The following SLFN12 variants were observed in gnomAD, a reference collection of about 807,000 sequenced individuals.
SLFN12 encodes the protein schlafen family member 12, also known as ribonuclease SLFN12.
In SLFN12, 25 loss-of-function variants were observed where a neutral mutation model predicts 29.1. The observed-to-expected ratio is 0.86, with a 90% confidence interval of 0.63 to 1.20. The LOEUF (loss-of-function observed/expected upper bound fraction) is 1.20. Among genes scored for constraint, SLFN12 ranks in the 50% most tolerant of loss-of-function variants. The probability of loss-of-function intolerance (pLI) is 0.00; values close to 1 mark genes in which losing one functional copy is unlikely to be tolerated. For missense variants in SLFN12, 660 were observed against 666.2 expected, an observed-to-expected ratio of 0.99 and a Z score of 0.10; for synonymous variants, 257 against 238.7, an observed-to-expected ratio of 1.08 and a Z score of -0.71.
chr17:35,413,883 A>G (rs1402065034), intron 3 of SLFN12, among the ~76,000 whole-genome samples: 3 of 152,234 alleles, frequency 2.0e-5, no homozygotes, highest in Middle Eastern at 3.4e-3. Context: ...GGGCAAAACT[A>G]TATGCTCATA....
intron 3 of SLFN12, among the ~76,000 whole-genome samples, chr17:35,418,605 G>T (rs1477882147): frequency 1.3e-5 from 2 of 152,022 alleles, no homozygotes; most frequent in Non-Finnish European, 2.9e-5. Flanking sequence ...CTACGTTATT[G>T]GTAAGGCTTT....
intron 1 of SLFN12, among the ~76,000 whole-genome samples, chr17:35,426,648 T>C (rs1171952903): frequency 2.0e-5 from 3 of 152,168 alleles, no homozygotes; most frequent in Non-Finnish European, 4.4e-5. Flanking sequence ...CTTTATGAAT[T>C]TTTGTTGGAA....
intron 1 of SLFN12, among the ~76,000 whole-genome samples, chr17:35,429,405 C>T (rs151260664): frequency 6.6e-6 from 1 of 152,164 alleles, no homozygotes; most frequent in African/African-American, 2.4e-5. Context: ...GGGACAAAAC[C>T]CTTAAAAAAT....
chr17:35,420,461 A>T, intron 2 of SLFN12, 80 bp from the exon 3 acceptor site: 1 of 834,516 alleles, frequency 1.2e-6, no homozygotes, highest in Non-Finnish European at 1.9e-6. Context: ...ATATATTAAA[A>T]GTCTACTTGT....
At position 35,421,266 on chromosome 17, in the gene SLFN12, GA is replaced by G. The variant is rs563139747; in HGVS notation, c.1039+723del. 8.8e-4 allele frequency among the ~76,000 whole-genome samples: 132 copies of G among 149,178 alleles called. 1 individual carries two copies. In the Middle Eastern group the frequency reaches 0.01, roughly 12 times the overall value. On this transcript the variant is annotated intron_variant, in intron 2 of 3. Coordinates refer to ENST00000304905, the MANE Select transcript of SLFN12 (RefSeq NM_018042.5). The stretch of plus-strand genomic sequence containing the variant: ...TAAATAAATAAATAAATAGAAAGGG[GA>G]CAAGAAGCATGAAGGAGCAAGTAAG...
At chr17:35,412,834 A>G (rs1911102815) in intron 3 of SLFN12, among the ~76,000 whole-genome samples, 1 of 152,016 alleles carries the variant, frequency 6.6e-6, no homozygotes, top group Non-Finnish European at 1.5e-5. Context: ...TATATTTAAA[A>G]ACAAAAAATA....
At chr17:35,432,042 C>T (rs772287) in intron 1 of SLFN12, 146 bp downstream of exon 1, 62,517 of 151,740 alleles carry the variant, frequency 0.41, 14,242 homozygotes, top group Non-Finnish European at 0.49. Context: ...TAGCCCCCGG[C>T]CAGAAACCTG....
At chr17:35,419,392 T>C (rs1424907170) in intron 3 of SLFN12, among the ~76,000 whole-genome samples, 1 of 152,096 alleles carries the variant, frequency 6.6e-6, no homozygotes, top group Non-Finnish European at 1.5e-5. Context: ...AGGATTTTAT[T>C]CTAGAATCTC....
intron 1 of SLFN12, among the ~76,000 whole-genome samples, chr17:35,431,331 G>A (rs1912305345): frequency 6.6e-6 from 1 of 152,130 alleles, no homozygotes; most frequent in South Asian, 2.1e-4. Context: ...CACCAAAGGA[G>A]AACATCACAC....
At chr17:35,420,555 T>C in intron 2 of SLFN12, 174 bp from the exon 3 acceptor site, 1 of 482,168 alleles carries the variant, frequency 2.1e-6, no homozygotes. Flanking sequence ...AAAATTAACT[T>C]TTGATGCCAC....
rs529811456 is a variant in SLFN12, at chr17:35,422,261, G to T, written c.768C>A (p.Asp256Glu). The T allele has an allele frequency of 1.2e-5, 20 of 1,614,098 alleles. No homozygotes were observed. Among genetic ancestry groups the T allele is most frequent in the African/African-American group, 1.3e-5 (1 of 75,050 alleles). Reference sequence around the variant, plus strand: ...CGATTTCTCTTTCTAAGTCATCGAGGTCACTCATCTCTGCTTTAAAGCCAA... The same window carrying T: ...CGATTTCTCTTTCTAAGTCATCGAGTTCACTCATCTCTGCTTTAAAGCCAA... Reference protein sequence around the residue: ...EIIGFKAEMSDLDDLEREIEK... With the variant: ...EIIGFKAEMSELDDLEREIEK... The change falls in exon 2 of 4, where the codon GAC becomes GAA. Residue 256 changes from aspartate (D) to glutamate (E), a missense_variant. Transcript: ENST00000304905.
Position 35,422,238 on chromosome 17 carries a change from A to G in SLFN12, c.791T>C (p.Ile264Thr), listed in dbSNP as rs146449318. ...AGGCATCTTCCTAATGGACTTTTCG[A>G]TTTCTCTTTCTAAGTCATCGAGGTC... ...MSDLDDLERE[I>T]EKSIRKMPVH... Residue 264 changes from isoleucine (I) to threonine (T), a missense_variant, in exon 2 of 4, where the codon ATC (isoleucine) becomes ACC (threonine). Transcript: ENST00000304905. The G allele has an allele frequency of 5.6e-6, 9 of 1,613,934 alleles. No individual in the cohort carries two copies. The highest frequency in any genetic ancestry group is 7.6e-6 in the Non-Finnish European group (9 of 1,180,022).
At chr17:35,417,094 CAAAG>C (rs897130884) in intron 3 of SLFN12, among the ~76,000 whole-genome samples, 3 of 151,934 alleles carry the variant, frequency 2.0e-5, no homozygotes, top group Non-Finnish European at 4.4e-5. Context: ...AAATACTAGA[CAAAG>C]AAAGAGAGAA....
chr17:35,422,667 G>A lies in SLFN12; in HGVS notation c.362C>T (p.Thr121Ile), dbSNP rs778281888. 1 of 1,613,964 alleles carries A rather than the reference G, an allele frequency of 6.2e-7. No individual in the cohort carries two copies. The highest frequency in any genetic ancestry group is 8.5e-7 in the Non-Finnish European group (1 of 1,179,922). ...TCTTTTGTACAAATTGGAGCTCAAG[G>A]TGGTAATCCGCAGACCAGAGGTGTT... ...SLNTSGLRIT[T>I]LSSNLYKRDI... Residue 121 changes from threonine (T) to isoleucine (I), a missense_variant, in exon 2 of 4, where the codon ACC (threonine) becomes ATC (isoleucine). Transcript: ENST00000304905.
Position 35,411,891 on chromosome 17 carries a change from A to C in SLFN12, c.1184T>G (p.Leu395Arg). ...ATGTTGTAAGAACAGTTTTCTGCAA[A>C]GGTTTTCTGGAGTATACGTTATCCT... ...SGRITYTPEN[L>R]CRKLFLQHEG... is the part of the protein sequence containing the mutation. Residue 395 changes from leucine (L) to arginine (R), a missense_variant, in exon 4 of 4, where the codon CTT (leucine) becomes CGT (arginine). By Grantham distance (102) the Leu-to-Arg change is moderately radical (BLOSUM62 -2). Transcript: ENST00000304905. 6.2e-7 allele frequency: 1 copy of C among 1,612,590 alleles called. No individual in the cohort carries two copies.
chr17:35,415,965 A>G (rs1911288041), intron 3 of SLFN12, among the ~76,000 whole-genome samples: 3 of 152,202 alleles, frequency 2.0e-5, no homozygotes, highest in Admixed American at 6.5e-5. Context: ...TTAGGGAATT[A>G]AAAGTAGAAC....
chr17:35,413,560 C>T (rs1289487567), intron 3 of SLFN12, among the ~76,000 whole-genome samples: 1 of 151,804 alleles, frequency 6.6e-6, no homozygotes, highest in Admixed American at 6.6e-5. Context: ...CCAACCTGGC[C>T]AACATGGTGA....
Position 35,417,859 on chromosome 17 carries a change from A to T in SLFN12, c.1147+2415T>A, listed in dbSNP as rs539141144. Among the ~76,000 whole-genome samples the T allele has an allele frequency of 2.2e-4, 33 of 152,170 alleles. No individual in the cohort carries two copies. In the Middle Eastern group the frequency reaches 0.014, roughly 63 times the overall value. ...ACAAGAAAATGGAACTTTTAAAAAA[A>T]ATATCTTTACAACAACAAAAATAAA... On this transcript the variant is annotated intron_variant, in intron 3 of 3. Coordinates refer to ENST00000304905, the MANE Select transcript of SLFN12 (RefSeq NM_018042.5).
In SLFN12 at chr17:35,422,857, C is replaced by G. The variant is rs144589773; in HGVS notation, c.172G>C (p.Val58Leu). ...MCALLNSGGG[V>L]IKAEIENEDY... ...TCATTCTCAATTTCAGCCTTGATCA[C>G]TCCCCCTCCAGAATTGAGCAGAGCA... is the stretch of plus-strand genomic sequence containing the variant. The change falls in exon 2 of 4, where the codon GTG (valine) becomes CTG (leucine). Residue 58 changes from valine to leucine, a missense_variant. Transcript: ENST00000304905. 34 of 1,614,014 alleles carry G rather than the reference C, an allele frequency of 2.1e-5. No individual in the cohort carries two copies. The Admixed American group carries it at 3.8e-4, about 18-fold the overall frequency.
Sources: allele counts gnomAD v4.1 joint callset (sites outside exome capture counted in the v4.1 genomes callset), GRCh38; gene constraint gnomAD v4.1.1; transcripts MANE v1.5; gene names NCBI Gene and HGNC (gene_info 2026-07-23, HGNC 2026-07-21).